The following ATRNL1 variants were observed in gnomAD, a reference collection of about 807,000 sequenced individuals.
ATRNL1 encodes attractin like 1.
Under a neutral mutation model 182.7 loss-of-function variants are expected in ATRNL1, and 95 were observed. That is an observed-to-expected ratio of 0.52 (90% confidence interval 0.44 to 0.62). The LOEUF is 0.62. Ranked by LOEUF, ATRNL1 falls within the 20% of genes least tolerant of loss-of-function variation. ATRNL1 has a pLI of 0.00. For synonymous variants in ATRNL1, 576 were observed against 568.3 expected (o/e 1.01, Z -0.19); for missense variants, 1,471 against 1,679.5 (o/e 0.88, Z 2.17).
rs144360114 is a variant in ATRNL1 at position 115,353,623 on chromosome 10, G to T, written c.3175+19204G>T. Among the ~76,000 whole-genome samples, 42 of 152,162 alleles carry T rather than the reference G, an allele frequency of 2.8e-4. No homozygotes were observed. The East Asian group carries it at 7.9e-3, about 29-fold the overall frequency. On this transcript the variant is annotated intron_variant, in intron 19 of 28. Coordinates refer to ENST00000355044, the MANE Select transcript of ATRNL1 (RefSeq NM_207303.4). ...CCAGTTTGTCATTTTTCTTCTGATTGTTTTGTACATTTTCTCTTCCTTTCT... is the reference window on the plus strand; with the variant it reads ...CCAGTTTGTCATTTTTCTTCTGATTTTTTTGTACATTTTCTCTTCCTTTCT...
intron 7 of ATRNL1, among the ~76,000 whole-genome samples, chr10:115,166,028 A>G (rs1211454405): frequency 6.6e-6 from 1 of 152,126 alleles, no homozygotes; most frequent in Non-Finnish European, 1.5e-5. Flanking sequence ...AACATTTTTC[A>G]TCGGGCAAAA....
chr10:115,152,788 G>A (rs1554880998), intron 5 of ATRNL1, among the ~76,000 whole-genome samples: 1 of 152,106 alleles, frequency 6.6e-6, no homozygotes, highest in East Asian at 1.9e-4. Flanking sequence ...TCCCTGTCTT[G>A]TGCCCGTTTT....
chr10:115,259,326 G>A (rs1851297559), intron 10 of ATRNL1, among the ~76,000 whole-genome samples: 1 of 152,206 alleles, frequency 6.6e-6, no homozygotes, highest in African/African-American at 2.4e-5. Flanking sequence ...CTCAGCAATG[G>A]CGGATGCACC....
At chr10:115,924,752 G>A (rs1014711380) in intron 28 of ATRNL1, among the ~76,000 whole-genome samples, 2 of 152,150 alleles carry the variant, frequency 1.3e-5, no homozygotes, top group African/African-American at 4.8e-5. Context: ...GATTCCATGT[G>A]AAATCTAAAG....
At chr10:115,447,936 T>G (rs2134471176) in intron 21 of ATRNL1, among the ~76,000 whole-genome samples, 1 of 152,216 alleles carries the variant, frequency 6.6e-6, no homozygotes, top group South Asian at 2.1e-4. Context: ...GCCAATCTGA[T>G]GGTTTTGAAA....
intron 28 of ATRNL1, among the ~76,000 whole-genome samples, chr10:115,928,217 T>G (rs2134584655): frequency 6.6e-6 from 1 of 152,178 alleles, no homozygotes; most frequent in South Asian, 2.1e-4. Context: ...TGAGTTTGGT[T>G]TCTTTATGAT....
At chr10:115,188,649 T>A (rs1384081892) in intron 8 of ATRNL1, among the ~76,000 whole-genome samples, 1 of 152,154 alleles carries the variant, frequency 6.6e-6, no homozygotes, top group Non-Finnish European at 1.5e-5. Flanking sequence ...TTCCTTTTGA[T>A]CTAAAAATCA....
intron 8 of ATRNL1, among the ~76,000 whole-genome samples, chr10:115,194,713 C>T (rs557984483): frequency 1.3e-5 from 2 of 151,898 alleles, no homozygotes; most frequent in African/African-American, 4.8e-5. Flanking sequence ...TTCGTAAGAA[C>T]TTATTACTGC....
intron 26 of ATRNL1, among the ~76,000 whole-genome samples, chr10:115,708,374 C>G (rs139833944): frequency 9.4e-4 from 142 of 151,724 alleles, no homozygotes; most frequent in African/African-American, 3.2e-3. Context: ...AAAATTGGAG[C>G]CTGAACTCTC....
chr10:115,883,569 C>A (rs537122642), intron 28 of ATRNL1, among the ~76,000 whole-genome samples: 16 of 152,370 alleles, frequency 1.1e-4, no homozygotes, highest in African/African-American at 3.8e-4. Flanking sequence ...ACTACTGCTA[C>A]ATGCAGCAAT....
At chr10:115,341,534 A>G (rs1855751973) in intron 19 of ATRNL1, among the ~76,000 whole-genome samples, 2 of 152,142 alleles carry the variant, frequency 1.3e-5, no homozygotes, top group South Asian at 2.1e-4. Context: ...TTTGGTCTAT[A>G]GTGCAGATTA....
chr10:115,228,326 C>A (rs1332715614), intron 9 of ATRNL1, among the ~76,000 whole-genome samples: 1 of 152,134 alleles, frequency 6.6e-6, no homozygotes, highest in South Asian at 2.1e-4. Context: ...TCCTGTTGCT[C>A]AAAAATGATT....
chr10:115,129,273 A>G (rs1554874383), intron 4 of ATRNL1, 54 bp from the exon 5 acceptor site: 14 of 1,442,142 alleles, frequency 9.7e-6, no homozygotes, highest in Non-Finnish European at 1.3e-5. Context: ...TGTATCAACC[A>G]AAATTCTTTT....
At chr10:115,318,156 A>C (rs1322292052) in intron 18 of ATRNL1, among the ~76,000 whole-genome samples, 1 of 152,056 alleles carries the variant, frequency 6.6e-6, no homozygotes, top group African/African-American at 2.4e-5. Flanking sequence ...ATAATTGTGT[A>C]CTTTTTGGCT....
intron 19 of ATRNL1, among the ~76,000 whole-genome samples, chr10:115,334,646 A>T (rs114024492): frequency 0.015 from 2,264 of 152,252 alleles, 51 homozygotes; most frequent in African/African-American, 0.051. Flanking sequence ...CATGTTTCTT[A>T]TTGTAATTTC....
intron 26 of ATRNL1, among the ~76,000 whole-genome samples, chr10:115,558,677 G>A (rs1554998060): frequency 6.6e-6 from 1 of 152,144 alleles, no homozygotes; most frequent in African/African-American, 2.4e-5. Context: ...TGGGAAGTCA[G>A]CATGAATTGG....
chr10:115,162,559 A>C (rs1036496306), intron 6 of ATRNL1, among the ~76,000 whole-genome samples: 1 of 151,108 alleles, frequency 6.6e-6, no homozygotes, highest in Non-Finnish European at 1.5e-5. Context: ...GAGTCATGGG[A>C]GGGTTTTGAG....
intron 20 of ATRNL1, among the ~76,000 whole-genome samples, chr10:115,409,912 TG>T (rs1385505891): frequency 1.3e-5 from 2 of 152,190 alleles, no homozygotes; most frequent in Non-Finnish European, 2.9e-5. Context: ...ACCTAATTTA[TG>T]GGGAGTTTTT....
intron 26 of ATRNL1, among the ~76,000 whole-genome samples, chr10:115,634,949 A>G (rs1423611564): frequency 6.6e-6 from 1 of 152,122 alleles, no homozygotes; most frequent in Non-Finnish European, 1.5e-5. Flanking sequence ...AGTTTGAAAA[A>G]AAATTACAAA....
Sources: gnomAD v4.1 joint callset for allele counts (sites outside exome capture counted in the v4.1 genomes callset) on GRCh38, gnomAD v4.1.1 for gene constraint, MANE v1.5 for transcripts, NCBI Gene and HGNC (gene_info 2026-07-23, HGNC 2026-07-21) for gene names.